The following SRC variants were observed in gnomAD, a reference collection of about 807,000 sequenced individuals.
SRC encodes the protein SRC proto-oncogene, non-receptor tyrosine kinase.
Under a neutral mutation model 62.9 loss-of-function variants are expected in SRC, and 13 were observed. That is an observed-to-expected ratio of 0.21 (90% CI 0.13 to 0.33). The LOEUF (loss-of-function observed/expected upper bound fraction) is 0.33, where lower values mean the gene tolerates loss of function less well. Ranked by LOEUF, SRC falls within the 10% of genes least tolerant of loss-of-function variation. SRC has a pLI of 1.00. For missense variants in SRC, 457 were observed against 737.3 expected, an observed-to-expected ratio of 0.62 and a Z score of 4.40; for synonymous variants, 302 against 317.5, an observed-to-expected ratio of 0.95 and a Z score of 0.52.
intron 2 of SRC, among the ~76,000 whole-genome samples, chr20:37,371,103 T>C (rs181169604): frequency 2.0e-4 from 30 of 151,824 alleles, no homozygotes; most frequent in African/African-American, 6.5e-4. Context: ...ATTCTCCTGC[T>C]TCAGCCTCCT....
At chr20:37,395,176 T>G (rs984599494) in intron 7 of SRC, among the ~76,000 whole-genome samples, 11 of 152,228 alleles carry the variant, frequency 7.2e-5, no homozygotes, top group African/African-American at 2.4e-4. Context: ...TCCCCGGATG[T>G]GGGTTTGAGC....
At chr20:37,385,991 C>G in intron 4 of SRC, 84 bp from the exon 5 acceptor site, 2 of 1,094,776 alleles carry the variant, frequency 1.8e-6, no homozygotes, top group South Asian at 2.6e-5. Flanking sequence ...GACAAATCCA[C>G]TCCTCCTGGG....
intron 2 of SRC, among the ~76,000 whole-genome samples, chr20:37,365,619 T>G (rs2070051566): frequency 6.6e-6 from 1 of 152,130 alleles, no homozygotes; most frequent in Admixed American, 6.6e-5. Flanking sequence ...AGGGTCTTAC[T>G]CTGTTGCCCA....
chr20:37,403,674 G>A lies in SRC; in HGVS notation c.*295G>A. 2.2e-6 allele frequency: 1 copy of A among 464,010 alleles called. No homozygotes were observed. The highest frequency in any genetic ancestry group is 3.3e-5 in the South Asian group (1 of 30,462). 28.7% of individuals were successfully genotyped at this position (464,010 alleles called of 1,614,324 possible). ...CTGTGGGTCTCTGGAAGAGGAACCA[G>A]GAGAAGGGCTGGGGCCGGGGCTGAG... is the stretch of plus-strand genomic sequence containing the variant. On this transcript the variant is annotated 3_prime_UTR_variant, in exon 14 of 14. Transcript: ENST00000373578. The surrounding 1 kb of genome is among the most constrained non-coding windows in gnomAD (Gnocchi z 7.1).
At chr20:37,374,673 T>C (rs6018128) in intron 2 of SRC, among the ~76,000 whole-genome samples, 33,195 of 149,650 alleles carry the variant, frequency 0.22, 5,319 homozygotes, top group African/African-American at 0.46. Context: ...CTCCCAGGTT[T>C]AAGCGACTCT....
At chr20:37,387,403 C>T (rs978041179) in intron 5 of SRC, among the ~76,000 whole-genome samples, 4 of 151,954 alleles carry the variant, frequency 2.6e-5, no homozygotes, top group Admixed American at 2.0e-4. Context: ...CTGAAGTGAT[C>T]GGGGAGGGGG....
At chr20:37,387,693 C>T (rs2070479711) in intron 5 of SRC, among the ~76,000 whole-genome samples, 1 of 152,210 alleles carries the variant, frequency 6.6e-6, no homozygotes, top group African/African-American at 2.4e-5. Context: ...GAGGGTGGCT[C>T]TCTGGTGCAC....
At chr20:37,395,212 G>C (rs1044279391) in intron 7 of SRC, among the ~76,000 whole-genome samples, 13 of 152,372 alleles carry the variant, frequency 8.5e-5, no homozygotes, top group African/African-American at 2.9e-4. Flanking sequence ...GGTTTGCTGG[G>C]TGACCCCAGG....
Position 37,351,798 on chromosome 20 carries a change from G to A in SRC, c.-247+5543G>A, listed in dbSNP as rs1000520364. Reference sequence around the variant, plus strand: ...GGAGACTGAAGCTCAGAGAGGCTAAGAGCTGGGGCCACAGGAGTGCAGCAA... The same window carrying A: ...GGAGACTGAAGCTCAGAGAGGCTAAAAGCTGGGGCCACAGGAGTGCAGCAA... On this transcript the variant is annotated intron_variant, in intron 1 of 13. Transcript: ENST00000373578. The surrounding 1 kb of genome is among the most constrained non-coding windows in gnomAD (Gnocchi z 4.4). Among the ~76,000 whole-genome samples the A allele has an allele frequency of 6.6e-6, 1 of 152,232 alleles. No individual in the cohort carries two copies. Among genetic ancestry groups the A allele is most frequent in the African/African-American group, 2.4e-5 (1 of 41,462 alleles).
At chr20:37,357,002 G>A (rs999033712) in intron 1 of SRC, among the ~76,000 whole-genome samples, 5 of 152,222 alleles carry the variant, frequency 3.3e-5, no homozygotes, top group African/African-American at 1.2e-4. Context: ...GTGAAGAGCT[G>A]TGCCAGCACT....
chr20:37,391,514 G>C (rs187201971), intron 5 of SRC, among the ~76,000 whole-genome samples: 1 of 152,100 alleles, frequency 6.6e-6, no homozygotes, highest in East Asian at 1.9e-4. Context: ...TTGTAGCTTT[G>C]GGCAAGTCGC....
In SRC at chr20:37,401,632, C is replaced by T. The variant is rs1224513777; in HGVS notation, c.1070C>T (p.Thr357Ile). ...GSLLDFLKGE[T>I]GKYLRLPQLV... is the part of the protein sequence containing the mutation. The stretch of plus-strand genomic sequence containing the variant: ...TTGCTGGACTTTCTCAAGGGGGAGA[C>T]AGGCAAGTACCTGCGGCTGCCTCAG... Residue 357 changes from threonine to isoleucine, a missense_variant, in exon 11 of 14, where the codon ACA becomes ATA. Physicochemically the swap from Thr to Ile is moderately conservative, Grantham distance 89. This residue lies in a region of SRC where 168 missense variants were observed against 357.8 expected (regional missense o/e 0.47). Transcript: ENST00000373578. 4 of 1,610,942 alleles carry T rather than the reference C, an allele frequency of 2.5e-6. No homozygotes were observed. The highest frequency in any genetic ancestry group is 3.4e-6 in the Non-Finnish European group (4 of 1,178,750).
rs2070415428 is a variant in SRC at position 37,384,420 on chromosome 20, C to G, written c.250+17C>G. On this transcript the variant is annotated intron_variant, in intron 4 of 13. Coordinates refer to ENST00000373578, the MANE Select transcript of SRC (RefSeq NM_198291.3). This position sits in a 1 kb window ranked among gnomAD's most constrained non-coding sequence, Gnocchi z 6.7. ...CGCTGGCCGGTCAGTGCGCGGGCGGCGCGGGGTCCTCGCCCACCTGGGGCC... is the reference window on the plus strand; with the variant it reads ...CGCTGGCCGGTCAGTGCGCGGGCGGGGCGGGGTCCTCGCCCACCTGGGGCC... 2.2e-6 allele frequency: 3 copies of G among 1,343,058 alleles called. No individual in the cohort carries two copies. The South Asian group carries it at 5.8e-5, about 26-fold the overall frequency. The allele number at this position is 1,343,058 out of a possible 1,614,324, so 83.2% of individuals were successfully genotyped here.
At chr20:37,390,237 C>T (rs2070524910) in intron 5 of SRC, among the ~76,000 whole-genome samples, 1 of 152,140 alleles carries the variant, frequency 6.6e-6, no homozygotes, top group African/African-American at 2.4e-5. Flanking sequence ...CCCAAGATCA[C>T]ACAGCAAATC....
At position 37,396,175 on chromosome 20, in the gene SRC, C is replaced by G; in HGVS notation, c.567C>G (p.Leu189=). 1.2e-6 allele frequency: 2 copies of G among 1,613,282 alleles called. No homozygotes were observed. The highest frequency in any genetic ancestry group is 8.5e-7 in the Non-Finnish European group (1 of 1,179,974). The part of the protein sequence containing the change: ...ESETTKGAYC[L]SVSDFDNAKG... Reference sequence around the variant, plus strand: ...GGTGCCCCGCAGGTGCCTACTGCCTCTCAGTGTCTGACTTCGACAACGCCA... The same window carrying G: ...GGTGCCCCGCAGGTGCCTACTGCCTGTCAGTGTCTGACTTCGACAACGCCA... The change falls in exon 8 of 14, where the codon CTC becomes CTG. Residue 189 remains leucine (L), a synonymous_variant. Coordinates refer to ENST00000373578, the MANE Select transcript of SRC (RefSeq NM_198291.3). This position sits in a 1 kb window ranked among gnomAD's most constrained non-coding sequence, Gnocchi z 6.1.
intron 1 of SRC, among the ~76,000 whole-genome samples, chr20:37,346,782 C>T (rs2069729389): frequency 2.0e-5 from 3 of 152,192 alleles, no homozygotes; most frequent in Non-Finnish European, 4.4e-5. Context: ...CTGGTGCTGC[C>T]GGCCTGGAAG....
intron 2 of SRC, among the ~76,000 whole-genome samples, chr20:37,368,488 C>T (rs1206056488): frequency 1.4e-5 from 2 of 144,304 alleles, no homozygotes; most frequent in Admixed American, 1.4e-4. Context: ...AAATCATAAT[C>T]CAAGGTCATA....
At position 37,384,511 on chromosome 20, in the gene SRC, C is replaced by A. The variant is rs1278829146; in HGVS notation, c.250+108C>A. 3.6e-6 allele frequency: 4 copies of A among 1,111,156 alleles called. No individual in the cohort carries two copies. In the East Asian group the frequency reaches 1.4e-4, roughly 40 times the overall value. 68.8% of individuals were successfully genotyped at this position (1,111,156 alleles called of 1,614,324 possible). A position where few individuals can be genotyped will look rare whatever the true frequency, so the allele number is the denominator to read the frequency against. ...CCTCTGCGCAGGCCCTTCCTCTCGC[C>A]AGGGGTAGCGCCCCTGGGTGACTTG... is the stretch of plus-strand genomic sequence containing the variant. On this transcript the variant is annotated intron_variant, in intron 4 of 13. Transcript: ENST00000373578. This position sits in a 1 kb window ranked among gnomAD's most constrained non-coding sequence, Gnocchi z 6.7.
intron 1 of SRC, among the ~76,000 whole-genome samples, chr20:37,352,362 G>T (rs1400526730): frequency 6.6e-6 from 1 of 152,252 alleles, no homozygotes; most frequent in East Asian, 1.9e-4. Flanking sequence ...AATCACCAGG[G>T]CAGTGACCAG....
Sources: gnomAD v4.1 joint callset for allele counts (sites outside exome capture counted in the v4.1 genomes callset) on GRCh38, gnomAD v4.1.1 for gene constraint, gnomAD v4.1.1 regional missense constraint, Gnocchi (gnomAD v3.1) non-coding constraint, MANE v1.5 for transcripts, NCBI Gene and HGNC (gene_info 2026-07-23, HGNC 2026-07-21) for gene names.